Variants in FAM13A observed in about 807,000 individuals in gnomAD.
The protein encoded by FAM13A is family with sequence similarity 13 member A.
FAM13A carries 76 observed loss-of-function variants against 129.6 expected under a neutral mutation model. That is an observed-to-expected ratio of 0.59 (90% CI 0.49 to 0.71). FAM13A has a LOEUF of 0.71. Among genes scored for constraint, FAM13A ranks in the 30% least tolerant of loss-of-function variants. FAM13A has a pLI of 0.00. For missense variants in FAM13A, 1,108 were observed against 1,249.3 expected (o/e 0.89, Z 1.70); for synonymous variants, 443 against 449.9 (o/e 0.98, Z 0.20).
intron 1 of FAM13A, 104 bp from the exon 2 acceptor site, chr4:89,029,753 G>T: frequency 1.1e-6 from 1 of 949,070 alleles, no homozygotes; most frequent in Non-Finnish European, 1.6e-6. Context: ...AAGATGAATA[G>T]TTGTGGTCTT....
At chr4:88,962,684 C>T (rs1252987078) in intron 4 of FAM13A, among the ~76,000 whole-genome samples, 1 of 152,160 alleles carries the variant, frequency 6.6e-6, no homozygotes, top group African/African-American at 2.4e-5. Flanking sequence ...AATTTCATCA[C>T]ATGACTAGAA....
intron 1 of FAM13A, among the ~76,000 whole-genome samples, chr4:89,040,420 AC>A (rs1400784677): frequency 1.3e-5 from 2 of 152,198 alleles, no homozygotes; most frequent in East Asian, 3.9e-4. Context: ...AAAGAGTTAT[AC>A]CTCATACCAA....
Position 88,743,968 on chromosome 4 carries a change from T to C in FAM13A, c.2466+2964A>G, listed in dbSNP as rs140688742. Among the ~76,000 whole-genome samples, 62 of 152,330 alleles carry C rather than the reference T, an allele frequency of 4.1e-4. 2 individuals are homozygous for C. The East Asian group carries it at 0.012, about 29-fold the overall frequency. ...GAAGACAAAATGGGATGGATTCTTATAACTGTTGCATTCTTGGCCTGTTAA... is the reference window on the plus strand; with the variant it reads ...GAAGACAAAATGGGATGGATTCTTACAACTGTTGCATTCTTGGCCTGTTAA... On this transcript the variant is annotated intron_variant, in intron 19 of 23. Transcript: ENST00000264344.
intron 7 of FAM13A, among the ~76,000 whole-genome samples, chr4:88,821,624 C>T (rs1039106211): frequency 2.0e-5 from 3 of 152,120 alleles, no homozygotes; most frequent in Non-Finnish European, 4.4e-5. Context: ...GCTTAAAACC[C>T]TTAAGAACTG....
intron 2 of FAM13A, among the ~76,000 whole-genome samples, chr4:89,029,094 G>A (rs970684478): frequency 1.3e-5 from 2 of 152,090 alleles, no homozygotes; most frequent in African/African-American, 4.8e-5. Flanking sequence ...AGGTAAAAGA[G>A]ATACCCAAAA....
At chr4:88,896,187 G>A (rs1243338016) in intron 6 of FAM13A, among the ~76,000 whole-genome samples, 2 of 150,606 alleles carry the variant, frequency 1.3e-5, no homozygotes, top group East Asian at 2.0e-4. Context: ...ACCAAACACC[G>A]CATATTCTCA....
intron 4 of FAM13A, among the ~76,000 whole-genome samples, chr4:88,973,805 A>G (rs1760493655): frequency 6.6e-6 from 1 of 152,128 alleles, no homozygotes; most frequent in Admixed American, 6.5e-5. Context: ...GAAGAGTTCT[A>G]CAGCCCCATG....
At chr4:88,934,388 G>T (rs146365306) in intron 5 of FAM13A, among the ~76,000 whole-genome samples, 1 of 152,108 alleles carries the variant, frequency 6.6e-6, no homozygotes, top group Non-Finnish European at 1.5e-5. Context: ...AGTAGGCACC[G>T]AATAATTATT....
At chr4:88,845,596 TAA>T (rs1230741960) in intron 7 of FAM13A, among the ~76,000 whole-genome samples, 1 of 151,840 alleles carries the variant, frequency 6.6e-6, no homozygotes, top group African/African-American at 2.4e-5. Context: ...TATAATGAAT[TAA>T]AAAAAATTGA....
intron 5 of FAM13A, among the ~76,000 whole-genome samples, chr4:88,925,654 T>A (rs1752006183): frequency 6.6e-6 from 1 of 151,638 alleles, no homozygotes; most frequent in South Asian, 2.1e-4. Context: ...GTAACTAACC[T>A]GCACATTGTG....
At chr4:88,827,346 T>A (rs1347860318) in intron 7 of FAM13A, among the ~76,000 whole-genome samples, 1 of 152,164 alleles carries the variant, frequency 6.6e-6, no homozygotes. Flanking sequence ...TTCAATAAAT[T>A]GGGCGCTGCA....
At chr4:89,055,631 T>C (rs1181960649) in intron 1 of FAM13A, among the ~76,000 whole-genome samples, 1 of 152,154 alleles carries the variant, frequency 6.6e-6, no homozygotes, top group Non-Finnish European at 1.5e-5. Context: ...CAGTTCTGTA[T>C]TGTTTCTTTT....
At chr4:88,881,612 A>T (rs139934605) in intron 6 of FAM13A, among the ~76,000 whole-genome samples, 1,546 of 152,330 alleles carry the variant, frequency 0.01, 12 homozygotes, top group Non-Finnish European at 0.016. Context: ...CCAGGAATTG[A>T]TCCAAAACAA....
At chr4:88,912,564 TACATAC>T (rs1427122992) in intron 5 of FAM13A, among the ~76,000 whole-genome samples, 2 of 87,292 alleles carry the variant, frequency 2.3e-5, no homozygotes, top group East Asian at 3.8e-4. Context: ...TTTACACACA[TACATAC>T]ACACACACAC....
chr4:88,855,160 G>A (rs114422644), intron 6 of FAM13A, among the ~76,000 whole-genome samples: 302 of 152,286 alleles, frequency 2.0e-3, no homozygotes, highest in Non-Finnish European at 3.5e-3. Context: ...TGTTGGAATT[G>A]CAAGAATAAA....
chr4:88,792,427 A>T (rs1725362093), intron 8 of FAM13A, among the ~76,000 whole-genome samples: 2 of 152,030 alleles, frequency 1.3e-5, no homozygotes, highest in South Asian at 2.1e-4. Flanking sequence ...TTTGCTTTTA[A>T]TTACAACAAT....
At chr4:88,732,348 T>C (rs1738012131) in intron 21 of FAM13A, 150 bp from the exon 22 acceptor site, 1 of 516,528 alleles carries the variant, frequency 1.9e-6, no homozygotes, top group Non-Finnish European at 3.4e-6. Flanking sequence ...ATTACAGATA[T>C]ATTATTGAAC....
At position 88,952,527 on chromosome 4, in the gene FAM13A, A is replaced by AGTTAAAACTGAAAATGTAC. The variant is rs1757096386; in HGVS notation, c.606-14305_606-14287dup. On this transcript the variant is annotated intron_variant, in intron 4 of 23. Coordinates refer to ENST00000264344, the MANE Select transcript of FAM13A (RefSeq NM_014883.4). The stretch of plus-strand genomic sequence containing the variant: ...AACTTGCCAGATCCTCATATATCTT[A>AGTTAAAACTGAAAATGTAC]GTTAAAACTGAAAATGTACCAAGAA... Among the ~76,000 whole-genome samples the AGTTAAAACTGAAAATGTAC allele has an allele frequency of 2.0e-5, 3 of 152,322 alleles. No homozygotes were observed. In the East Asian group the frequency reaches 5.8e-4, roughly 29 times the overall value.
chr4:88,852,344 T>G (rs1183461667), intron 6 of FAM13A, among the ~76,000 whole-genome samples: 1 of 152,092 alleles, frequency 6.6e-6, no homozygotes, highest in Non-Finnish European at 1.5e-5. Flanking sequence ...GTATTTTTTG[T>G]AGGGATGTGG....
Sources: gnomAD v4.1 joint callset for allele counts (sites outside exome capture counted in the v4.1 genomes callset) on GRCh38, gnomAD v4.1.1 for gene constraint, MANE v1.5 for transcripts, NCBI Gene and HGNC (gene_info 2026-07-23, HGNC 2026-07-21) for gene names.